The following CWH43 variants were observed in gnomAD, a reference collection of about 807,000 sequenced individuals.
CWH43 encodes the protein PGAP2-interacting protein.
A neutral mutation model predicts 85.7 loss-of-function variants in CWH43; 91 were observed. That is an observed-to-expected ratio of 1.06 (90% CI 0.90 to 1.26). CWH43 has a LOEUF of 1.26. Ranked by LOEUF, CWH43 falls within the 50% of genes most tolerant of loss-of-function variation. CWH43 has a pLI of 0.00. For synonymous variants in CWH43, 323 were observed against 293.6 expected (o/e 1.10, Z -1.02); for missense variants, 869 against 839.2 (o/e 1.04, Z -0.44).
chr4:49,031,023 G>C (rs1784080466), intron 11 of CWH43, 63 bp downstream of exon 11: 1 of 1,429,444 alleles, frequency 7.0e-7, no homozygotes, highest in Non-Finnish European at 9.3e-7. Context: ...CATAGGCTTG[G>C]AGTGGCAAGT....
intron 15 of CWH43, 88 bp downstream of exon 15, chr4:49,050,937 A>G: frequency 1.0e-6 from 1 of 982,112 alleles, no homozygotes; most frequent in Non-Finnish European, 1.5e-6. Context: ...GCTAGAAATT[A>G]TATTTTGTCC....
chr4:48,998,246 C>T (rs768259187), intron 5 of CWH43, among the ~76,000 whole-genome samples: 2 of 152,178 alleles, frequency 1.3e-5, no homozygotes, highest in African/African-American at 4.8e-5. Flanking sequence ...GATAAGTTGG[C>T]AGATATCATT....
At chr4:49,052,614 C>T (rs144318117) in intron 15 of CWH43, among the ~76,000 whole-genome samples, 25 of 152,162 alleles carry the variant, frequency 1.6e-4, no homozygotes, top group Middle Eastern at 3.4e-3. Flanking sequence ...AGCAGGAGTG[C>T]GGAGAAATCC....
At chr4:49,052,780 G>A (rs1784838311) in intron 15 of CWH43, among the ~76,000 whole-genome samples, 1 of 152,094 alleles carries the variant, frequency 6.6e-6, no homozygotes, top group South Asian at 2.1e-4. Context: ...GAATATTTAA[G>A]CAATTTTCAA....
At chr4:49,051,686 C>T (rs1484857751) in intron 15 of CWH43, among the ~76,000 whole-genome samples, 1 of 152,096 alleles carries the variant, frequency 6.6e-6, no homozygotes, top group African/African-American at 2.4e-5. Flanking sequence ...AAGCAATTCT[C>T]CTGTCTCAGC....
chr4:48,990,047 T>G (rs1782609898), intron 2 of CWH43, among the ~76,000 whole-genome samples: 1 of 152,224 alleles, frequency 6.6e-6, no homozygotes, highest in African/African-American at 2.4e-5. Flanking sequence ...CCTTTGGTGC[T>G]GCCTATGTGG....
chr4:49,057,942 A>T (rs1191352951), intron 15 of CWH43, among the ~76,000 whole-genome samples: 1 of 152,184 alleles, frequency 6.6e-6, no homozygotes, highest in East Asian at 1.9e-4. Flanking sequence ...TCTTTTGGTT[A>T]TCATTTGCAT....
At position 48,986,462 on chromosome 4, in the gene CWH43, G is replaced by A. The variant is rs529716602; in HGVS notation, c.33G>A (p.Glu11=). The change falls in exon 1 of 16, where the codon GAG becomes GAA. Residue 11 remains glutamate (E), a synonymous_variant. Transcript: ENST00000226432. ...CGCTGTGGAGAGAAATCCTCTTGGA[G>A]TCGCTGCTGGGTAAGCCGAAGCCCC... The part of the protein sequence containing the change: MPSLWREILL[E]SLLGCVSWSL... 43 of 1,550,032 alleles carry A rather than the reference G, an allele frequency of 2.8e-5. 2 individuals are homozygous for A. In the South Asian group the frequency reaches 4.5e-4, roughly 16 times the overall value.
chr4:49,010,446 T>G (rs768103760), intron 8 of CWH43, among the ~76,000 whole-genome samples: 5 of 152,238 alleles, frequency 3.3e-5, no homozygotes, highest in Non-Finnish European at 7.3e-5. Flanking sequence ...TCATTGATTT[T>G]TTTGAAGGAT....
At chr4:49,036,005 C>T (rs1418736716) in intron 12 of CWH43, among the ~76,000 whole-genome samples, 1 of 152,152 alleles carries the variant, frequency 6.6e-6, no homozygotes, top group Non-Finnish European at 1.5e-5. Context: ...GAGGCTGAGG[C>T]ACTCAGACAC....
At chr4:49,002,106 C>G (rs1397578006) in intron 6 of CWH43, among the ~76,000 whole-genome samples, 1 of 151,978 alleles carries the variant, frequency 6.6e-6, no homozygotes, top group Admixed American at 6.6e-5. Context: ...TATAAGGTTT[C>G]CTGAAAGTTG....
At chr4:49,014,126 A>G (rs1282886660) in intron 8 of CWH43, among the ~76,000 whole-genome samples, 2 of 152,190 alleles carry the variant, frequency 1.3e-5, no homozygotes, top group Non-Finnish European at 2.9e-5. Context: ...ACCATTATAT[A>G]AAAACCTTCA....
At chr4:49,000,562 A>G (rs1782958916) in intron 6 of CWH43, among the ~76,000 whole-genome samples, 1 of 152,240 alleles carries the variant, frequency 6.6e-6, no homozygotes, top group Non-Finnish European at 1.5e-5. Context: ...ATCTGCATAT[A>G]ACTTGGAAAA....
intron 13 of CWH43, among the ~76,000 whole-genome samples, chr4:49,041,015 G>C (rs955747737): frequency 2.0e-5 from 3 of 152,130 alleles, no homozygotes. Context: ...TTTCCCCATG[G>C]CTTGTTTTTG....
At chr4:49,045,345 A>G (rs1469707552) in intron 14 of CWH43, among the ~76,000 whole-genome samples, 1 of 152,200 alleles carries the variant, frequency 6.6e-6, no homozygotes, top group Non-Finnish European at 1.5e-5. Flanking sequence ...ATATTACCCG[A>G]GTATATCACA....
intron 5 of CWH43, among the ~76,000 whole-genome samples, chr4:48,997,208 A>G (rs1291130578): frequency 6.8e-6 from 1 of 146,914 alleles, no homozygotes; most frequent in Non-Finnish European, 1.5e-5. Context: ...CTGACACTAC[A>G]CCTGGCTAAC....
chr4:49,056,229 T>C (rs1215372013), intron 15 of CWH43, among the ~76,000 whole-genome samples: 2 of 151,976 alleles, frequency 1.3e-5, no homozygotes, highest in Non-Finnish European at 2.9e-5. Flanking sequence ...TCCATGTCCC[T>C]ACAAAGGATA....
intron 12 of CWH43, among the ~76,000 whole-genome samples, chr4:49,037,723 T>C (rs186217601): frequency 1.5e-4 from 23 of 152,364 alleles, no homozygotes; most frequent in Non-Finnish European, 1.6e-4. Context: ...TGGTGAGTTA[T>C]CACGTTAGTG....
chr4:49,055,776 G>A (rs7439282), intron 15 of CWH43, among the ~76,000 whole-genome samples: 1 of 152,056 alleles, frequency 6.6e-6, no homozygotes, highest in African/African-American at 2.4e-5. Flanking sequence ...TTTTGGTAGA[G>A]ATAGGGTTTC....
Sources: allele counts gnomAD v4.1 joint callset (sites outside exome capture counted in the v4.1 genomes callset), GRCh38; gene constraint gnomAD v4.1.1; transcripts MANE v1.5; gene names NCBI Gene and HGNC (gene_info 2026-07-23, HGNC 2026-07-21).